Variants in IFNB1 observed in about 807,000 individuals in gnomAD.
The protein encoded by IFNB1 is interferon beta 1, also known as interferon beta.
For synonymous variants in IFNB1, 99 were observed against 80.4 expected (o/e 1.23, Z -1.24); for missense variants, 267 against 210.5 (o/e 1.27, Z -1.66).
rs2132838732 is a variant in IFNB1 at position 21,077,554 on chromosome 9, C to T, written c.316G>A (p.Glu106Lys). 1.2e-6 allele frequency: 2 copies of T among 1,613,958 alleles called. No individual in the cohort carries two copies. Among genetic ancestry groups the T allele is most frequent in the Non-Finnish European group, 1.7e-6 (2 of 1,179,918 alleles). Residue 106 changes from glutamate to lysine, a missense_variant, in exon 1 of 1, where the codon GAG (glutamate) becomes AAG (lysine). Transcript: ENST00000380232. ...TGATAGACATTAGCCAGGAGGTTCT[C>T]AACAATAGTCTCATTCCAGCCAGTG... ...SSTGWNETIV[E>K]NLLANVYHQI... is the part of the protein sequence containing the mutation.
In IFNB1 at chr9:21,077,926, A is replaced by G; in HGVS notation, c.-57T>C. On this transcript the variant is annotated 5_prime_UTR_variant, in exon 1 of 1. Transcript: ENST00000380232. Reference sequence around the variant, plus strand: ...TGTTGTGCCAGAGCAAAGGCTTCGAAAGGTTGCAGTTAGAATGTCCTTTCT... The same window carrying G: ...TGTTGTGCCAGAGCAAAGGCTTCGAGAGGTTGCAGTTAGAATGTCCTTTCT... The G allele has an allele frequency of 7.6e-7, 1 of 1,316,940 alleles. No individual in the cohort carries two copies. The highest frequency in any genetic ancestry group is 1.1e-6 in the Non-Finnish European group (1 of 949,824). The allele number at this position is 1,316,940 out of a possible 1,614,324, so 81.6% of individuals were successfully genotyped here. A position where few individuals can be genotyped will look rare whatever the true frequency, so the allele number is the denominator to read the frequency against.
At position 21,077,573 on chromosome 9, in the gene IFNB1, G is replaced by C. The variant is rs768405100; in HGVS notation, c.297C>G (p.Gly99=). 3 of 1,613,848 alleles carry C rather than the reference G, an allele frequency of 1.9e-6. No individual in the cohort carries two copies. The highest frequency in any genetic ancestry group is 1.3e-5 in the African/African-American group (1 of 74,884). ...GGTTCTCAACAATAGTCTCATTCCAGCCAGTGCTAGATGAATCTTGTCTGA... is the reference window on the plus strand; with the variant it reads ...GGTTCTCAACAATAGTCTCATTCCACCCAGTGCTAGATGAATCTTGTCTGA... ...AIFRQDSSST[G]WNETIVENLL... The change falls in exon 1 of 1, where the codon GGC becomes GGG. Residue 99 remains glycine (G), a synonymous_variant. Transcript: ENST00000380232.
chr9:21,077,403 G>T lies in IFNB1; in HGVS notation c.467C>A (p.Ala156Asp), dbSNP rs1292412300. ...YYGRILHYLK[A>D]KEYSHCAWTI... ...CCAGGCACAGTGACTGTACTCCTTGGCCTTCAGGTAATGCAGAATCCTCCC... is the reference window on the plus strand; with the variant it reads ...CCAGGCACAGTGACTGTACTCCTTGTCCTTCAGGTAATGCAGAATCCTCCC... Residue 156 changes from alanine (A) to aspartate (D), a missense_variant, in exon 1 of 1, where the codon GCC becomes GAC. Ala to Asp is a moderately radical substitution (Grantham distance 126, BLOSUM62 -2). Transcript: ENST00000380232. 6.2e-7 allele frequency: 1 copy of T among 1,613,468 alleles called. No individual in the cohort carries two copies. The highest frequency in any genetic ancestry group is 2.2e-5 in the East Asian group (1 of 44,880).
chr9:21,077,940 A>C lies in IFNB1; in HGVS notation c.-71T>G, dbSNP rs1162666689. 3 of 1,103,598 alleles carry C rather than the reference A, an allele frequency of 2.7e-6. No individual in the cohort carries two copies. 68.4% of individuals were successfully genotyped at this position (1,103,598 alleles called of 1,614,324 possible). ...AAAGGCTTCGAAAGGTTGCAGTTAG[A>C]ATGTCCTTTCTCCATGGGTATGGCC... On this transcript the variant is annotated 5_prime_UTR_variant, in exon 1 of 1. In the 5' UTR this introduces an upstream ATG that the reference lacks. Coordinates refer to ENST00000380232, the MANE Select transcript of IFNB1 (RefSeq NM_002176.4).
chr9:21,077,693 A>G lies in IFNB1; in HGVS notation c.177T>C (p.Phe59=). The G allele has an allele frequency of 6.2e-7, 1 of 1,613,956 alleles. No individual in the cohort carries two copies. Among genetic ancestry groups the G allele is most frequent in the African/African-American group, 1.3e-5 (1 of 75,030 alleles). Residue 59 remains phenylalanine (F), a synonymous_variant, in exon 1 of 1, where the codon TTT becomes TTC. Coordinates refer to ENST00000380232, the MANE Select transcript of IFNB1 (RefSeq NM_002176.4). ...GCTGCTTAATCTCCTCAGGGATGTC[A>G]AAGTTCATCCTGTCCTTGAGGCAGT... ...LEYCLKDRMN[F]DIPEEIKQLQ...
chr9:21,077,227 C>T lies in IFNB1; in HGVS notation c.*79G>A. 1.2e-6 allele frequency: 1 copy of T among 862,600 alleles called. No individual in the cohort carries two copies. The highest frequency in any genetic ancestry group is 2.3e-5 in the Admixed American group (1 of 44,210). 53.4% of individuals were successfully genotyped at this position (862,600 alleles called of 1,614,324 possible). Reference sequence around the variant, plus strand: ...CTTTCATATGCAGTACATTAGCCATCAGTCACTTAAACAGCATCTGCTGGT... The same window carrying T: ...CTTTCATATGCAGTACATTAGCCATTAGTCACTTAAACAGCATCTGCTGGT... On this transcript the variant is annotated 3_prime_UTR_variant, in exon 1 of 1. Transcript: ENST00000380232.
chr9:21,077,727 C>T lies in IFNB1; in HGVS notation c.143G>A (p.Arg48Lys). Residue 48 changes from arginine (R) to lysine (K), a missense_variant, in exon 1 of 1, where the codon AGG becomes AAG. Transcript: ENST00000380232. The stretch of plus-strand genomic sequence containing the variant: ...CCTGTCCTTGAGGCAGTATTCAAGC[C>T]TCCCATTCAATTGCCACAGGAGCTT... ...CQKLLWQLNG[R>K]LEYCLKDRMN... is the part of the protein sequence containing the mutation. 1.9e-6 allele frequency: 3 copies of T among 1,613,894 alleles called. No individual in the cohort carries two copies. Among genetic ancestry groups the T allele is most frequent in the South Asian group, 1.1e-5 (1 of 91,080 alleles).
rs780381074 is a variant in IFNB1 at position 21,077,856 on chromosome 9, C to T, written c.14G>A (p.Cys5Tyr). 1.2e-6 allele frequency: 2 copies of T among 1,612,098 alleles called. No homozygotes were observed. Among genetic ancestry groups the T allele is most frequent in the South Asian group, 2.2e-5 (2 of 90,846 alleles). MTNK[C>Y]LLQIALLLCF... The stretch of plus-strand genomic sequence containing the variant: ...CAACAGGAGAGCAATTTGGAGGAGA[C>T]ACTTGTTGGTCATGTTGACAACACG... The change falls in exon 1 of 1, where the codon TGT becomes TAT. Residue 5 changes from cysteine to tyrosine, a missense_variant. Physicochemically the swap from Cys to Tyr is radical, Grantham distance 194. Coordinates refer to ENST00000380232, the MANE Select transcript of IFNB1 (RefSeq NM_002176.4).
Position 21,077,936 on chromosome 9 carries a change from T to A in IFNB1, c.-67A>T. 1 of 1,161,364 alleles carries A rather than the reference T, an allele frequency of 8.6e-7. No homozygotes were observed. Among genetic ancestry groups the A allele is most frequent in the Middle Eastern group, 2.6e-4 (1 of 3,838 alleles). The allele number at this position is 1,161,364 out of a possible 1,614,324, so 71.9% of individuals were successfully genotyped here. ...GAGCAAAGGCTTCGAAAGGTTGCAGTTAGAATGTCCTTTCTCCATGGGTAT... is the reference window on the plus strand; with the variant it reads ...GAGCAAAGGCTTCGAAAGGTTGCAGATAGAATGTCCTTTCTCCATGGGTAT... On this transcript the variant is annotated 5_prime_UTR_variant, in exon 1 of 1. Coordinates refer to ENST00000380232, the MANE Select transcript of IFNB1 (RefSeq NM_002176.4).
In IFNB1 at chr9:21,077,348, G is replaced by A. The variant is rs377548660; in HGVS notation, c.522C>T (p.Asn174=). Residue 174 remains asparagine, a synonymous_variant, in exon 1 of 1, where the codon AAC becomes AAT. Coordinates refer to ENST00000380232, the MANE Select transcript of IFNB1 (RefSeq NM_002176.4). ...CTGTAAGTCTGTTAATGAAGTAAAA[G>A]TTCCTTAGGATTTCCACTCTGACTA... The part of the protein sequence containing the change: ...WTIVRVEILR[N]FYFINRLTGY... 7.6e-5 allele frequency: 122 copies of A among 1,613,464 alleles called. No homozygotes were observed. Among genetic ancestry groups the A allele is most frequent in the Non-Finnish European group, 1.0e-4 (122 of 1,179,682 alleles).
chr9:21,077,696 G>T lies in IFNB1; in HGVS notation c.174C>A (p.Asn58Lys), dbSNP rs763049076. Reference protein sequence around the residue: ...RLEYCLKDRMNFDIPEEIKQL... With the variant: ...RLEYCLKDRMKFDIPEEIKQL... Reference sequence around the variant, plus strand: ...GCTTAATCTCCTCAGGGATGTCAAAGTTCATCCTGTCCTTGAGGCAGTATT... The same window carrying T: ...GCTTAATCTCCTCAGGGATGTCAAATTTCATCCTGTCCTTGAGGCAGTATT... The change falls in exon 1 of 1, where the codon AAC (asparagine) becomes AAA (lysine). Residue 58 changes from asparagine (N) to lysine (K), a missense_variant. Physicochemically the swap from Asn to Lys is moderately conservative, Grantham distance 94. Coordinates refer to ENST00000380232, the MANE Select transcript of IFNB1 (RefSeq NM_002176.4). The T allele has an allele frequency of 1.2e-5, 19 of 1,613,828 alleles. No homozygotes were observed. The Admixed American group carries it at 2.2e-4, about 18-fold the overall frequency.
At position 21,077,675 on chromosome 9, in the gene IFNB1, A is replaced by T. The variant is rs139088661; in HGVS notation, c.195T>A (p.Ile65=). Reference sequence around the variant, plus strand: ...CCTTCTGGAACTGCTGCAGCTGCTTAATCTCCTCAGGGATGTCAAAGTTCA... The same window carrying T: ...CCTTCTGGAACTGCTGCAGCTGCTTTATCTCCTCAGGGATGTCAAAGTTCA... The part of the protein sequence containing the change: ...DRMNFDIPEE[I]KQLQQFQKED... Residue 65 remains isoleucine, a synonymous_variant, in exon 1 of 1, where the codon ATT becomes ATA. Transcript: ENST00000380232. 1.9e-6 allele frequency: 3 copies of T among 1,613,960 alleles called. No homozygotes were observed. In the East Asian group the frequency reaches 6.7e-5, roughly 36 times the overall value.
Position 21,077,472 on chromosome 9 carries a change from G to A in IFNB1, c.398C>T (p.Thr133Ile), listed in dbSNP as rs189255883. The A allele has an allele frequency of 8.7e-6, 14 of 1,613,916 alleles. 1 individual carries two copies. The African/African-American group carries it at 9.3e-5, about 11-fold the overall frequency. ...LEEKLEKEDF[T>I]RGKLMSSLHL... The stretch of plus-strand genomic sequence containing the variant: ...CAGACTGCTCATGAGTTTTCCCCTG[G>A]TGAAATCTTCTTTCTCCAGTTTTTC... Residue 133 changes from threonine to isoleucine, a missense_variant, in exon 1 of 1, where the codon ACC becomes ATC. Thr to Ile is a moderately conservative substitution (Grantham distance 89, BLOSUM62 -1). Coordinates refer to ENST00000380232, the MANE Select transcript of IFNB1 (RefSeq NM_002176.4).
At position 21,077,866 on chromosome 9, in the gene IFNB1, T is replaced by A. The variant is rs538690297; in HGVS notation, c.4A>T (p.Thr2Ser). M[T>S]NKCLLQIALL... The stretch of plus-strand genomic sequence containing the variant: ...GCAATTTGGAGGAGACACTTGTTGG[T>A]CATGTTGACAACACGAACAGTGTCG... Residue 2 changes from threonine to serine, a missense_variant, in exon 1 of 1, where the codon ACC (threonine) becomes TCC (serine). By Grantham distance (58) the Thr-to-Ser change is moderately conservative (BLOSUM62 1). Coordinates refer to ENST00000380232, the MANE Select transcript of IFNB1 (RefSeq NM_002176.4). The A allele has an allele frequency of 2.1e-4, 337 of 1,610,540 alleles. 1 individual carries two copies. The South Asian group carries it at 3.4e-3, about 16-fold the overall frequency.
In IFNB1 at chr9:21,077,135, C is replaced by A; in HGVS notation, c.*171G>T. On this transcript the variant is annotated 3_prime_UTR_variant, in exon 1 of 1. Coordinates refer to ENST00000380232, the MANE Select transcript of IFNB1 (RefSeq NM_002176.4). ...TTTGCACCAAAAATAATTTATTTTC[C>A]AAAATAAAATTTAAATAAATAAAAA... The A allele has an allele frequency of 5.1e-6, 2 of 395,480 alleles. No individual in the cohort carries two copies. Among genetic ancestry groups the A allele is most frequent in the East Asian group, 4.1e-5 (1 of 24,638 alleles). The allele number at this position is 395,480 out of a possible 1,614,324, so 24.5% of individuals were successfully genotyped here.
At position 21,077,268 on chromosome 9, in the gene IFNB1, G is replaced by T; in HGVS notation, c.*38C>A. 7.3e-7 allele frequency: 1 copy of T among 1,371,334 alleles called. No individual in the cohort carries two copies. Among genetic ancestry groups the T allele is most frequent in the Non-Finnish European group, 1.0e-6 (1 of 983,016 alleles). 84.9% of individuals were successfully genotyped at this position (1,371,334 alleles called of 1,614,324 possible). ...ATCTGCTGGTTGAAGAATGCTTGAA[G>T]CAATTGTCCAGTCCCAGAGGCACAG... On this transcript the variant is annotated 3_prime_UTR_variant, in exon 1 of 1. Coordinates refer to ENST00000380232, the MANE Select transcript of IFNB1 (RefSeq NM_002176.4).
Position 21,077,764 on chromosome 9 carries a change from A to C in IFNB1, c.106T>G (p.Phe36Val). ...TGCCACAGGAGCTTCTGACACTGAA[A>C]ATTGCTGCTTCTTTGTAGGAATCCA... Reference protein sequence around the residue: ...LLGFLQRSSNFQCQKLLWQLN... With the variant: ...LLGFLQRSSNVQCQKLLWQLN... The change falls in exon 1 of 1, where the codon TTT becomes GTT. Residue 36 changes from phenylalanine to valine, a missense_variant. Transcript: ENST00000380232. 1 of 1,613,832 alleles carries C rather than the reference A, an allele frequency of 6.2e-7. No homozygotes were observed. The highest frequency in any genetic ancestry group is 8.5e-7 in the Non-Finnish European group (1 of 1,179,856).
chr9:21,077,870 G>A lies in IFNB1; in HGVS notation c.-1C>T, dbSNP rs1587860597. On this transcript the variant is annotated 5_prime_UTR_variant, in exon 1 of 1. Transcript: ENST00000380232. ...TTTGGAGGAGACACTTGTTGGTCAT[G>A]TTGACAACACGAACAGTGTCGCCTA... is the stretch of plus-strand genomic sequence containing the variant. 5 of 1,609,230 alleles carry A rather than the reference G, an allele frequency of 3.1e-6. No homozygotes were observed. Among genetic ancestry groups the A allele is most frequent in the Middle Eastern group, 1.7e-4 (1 of 5,992 alleles).
rs1330998727 is a variant in IFNB1, at chr9:21,077,313, C to T, written c.557G>A (p.Arg186Gln). 8.1e-6 allele frequency: 13 copies of T among 1,606,514 alleles called. No individual in the cohort carries two copies. The highest frequency in any genetic ancestry group is 1.7e-5 in the Admixed American group (1 of 59,646). Residue 186 changes from arginine (R) to glutamine (Q), a missense_variant, in exon 1 of 1, where the codon CGA becomes CAA. Physicochemically the swap from Arg to Gln is conservative, Grantham distance 43. Transcript: ENST00000380232. Reference sequence around the variant, plus strand: ...GCACAGGCTAGGAGATCTTCAGTTTCGGAGGTAACCTGTAAGTCTGTTAAT... The same window carrying T: ...GCACAGGCTAGGAGATCTTCAGTTTTGGAGGTAACCTGTAAGTCTGTTAAT... ...YFINRLTGYL[R>Q]N
Sources: allele counts gnomAD v4.1 joint callset, GRCh38; gene constraint gnomAD v4.1.1; transcripts MANE v1.5; gene names NCBI Gene and HGNC (gene_info 2026-07-23, HGNC 2026-07-21).